Variants in PSG11 observed in about 807,000 individuals in gnomAD.
The protein encoded by PSG11 is pregnancy specific beta-1-glycoprotein 11.
A neutral mutation model predicts 36.0 loss-of-function variants in PSG11; 42 were observed. That is an observed-to-expected ratio of 1.17 (90% CI 0.91 to 1.51). The LOEUF (loss-of-function observed/expected upper bound fraction) is 1.51. Among genes scored for constraint, PSG11 ranks in the 40% most tolerant of loss-of-function variants. The pLI is 0.00. For synonymous variants in PSG11, 206 were observed against 153.5 expected (o/e 1.34, Z -2.53); for missense variants, 558 against 403.5 (o/e 1.38, Z -3.28).
At chr19:43,016,310 G>A (rs1328883554) in intron 3 of PSG11, among the ~76,000 whole-genome samples, 2 of 151,328 alleles carry the variant, frequency 1.3e-5, no homozygotes, top group Non-Finnish European at 2.9e-5. Flanking sequence ...ACGTCAGTGG[G>A]AGTCACAGCC....
At chr19:43,014,113 G>A (rs1448729946) in intron 4 of PSG11, 1 of 155,398 alleles carries the variant, frequency 6.4e-6, no homozygotes, top group East Asian at 1.9e-4. Flanking sequence ...GTGTTAGGGG[G>A]AGAAGGAGTG....
Position 43,020,533 on chromosome 19 carries a change from A to G in PSG11, c.431-1485T>C, listed in dbSNP as rs560246943. Among the ~76,000 whole-genome samples the G allele has an allele frequency of 4.6e-5, 7 of 151,602 alleles. No homozygotes were observed. In the South Asian group the frequency reaches 1.3e-3, roughly 27 times the overall value. ...TTGGAGGAAACATTAAAATGTTTTC[A>G]TAAGTGGAAATTTTTACTGATGGTC... is the stretch of plus-strand genomic sequence containing the variant. On this transcript the variant is annotated intron_variant, in intron 2 of 5. Transcript: ENST00000320078.
chr19:43,007,784 T>C lies in PSG11; in HGVS notation c.*299A>G. On this transcript the variant is annotated 3_prime_UTR_variant, in exon 6 of 6. Coordinates refer to ENST00000320078, the MANE Select transcript of PSG11 (RefSeq NM_002785.3). ...GTTTACAAAAGTATACTTTACCAAT[T>C]GCTGAAGAAAAAAATTCATAAATCT... 1 of 271,268 alleles carries C rather than the reference T, an allele frequency of 3.7e-6. No individual in the cohort carries two copies. The allele number at this position is 271,268 out of a possible 1,614,324, so 16.8% of individuals were successfully genotyped here.
intron 1 of PSG11, chr19:43,025,323 T>C (rs1382331961): frequency 5.3e-6 from 3 of 567,784 alleles, no homozygotes; most frequent in East Asian, 7.9e-5. Flanking sequence ...TTTTTCTGTT[T>C]GGAATCCTCT....
intron 4 of PSG11, among the ~76,000 whole-genome samples, chr19:43,010,890 C>CATAT (rs10566441): frequency 0.012 from 1,731 of 140,390 alleles, 59 homozygotes; most frequent in African/African-American, 0.037. Context: ...CCTCTTTTTC[C>CATAT]ATATATATAT....
chr19:43,010,045 T>A lies in PSG11; in HGVS notation c.965-4A>T, dbSNP rs901379248. 9 of 1,608,708 alleles carry A rather than the reference T, an allele frequency of 5.6e-6. No individual in the cohort carries two copies. The highest frequency in any genetic ancestry group is 6.8e-6 in the Non-Finnish European group (8 of 1,176,344). On this transcript the variant is annotated splice_polypyrimidine_tract_variant and splice_region_variant and intron_variant, in intron 4 of 5. Transcript: ENST00000320078. ...AAAGTTCCTAATCCTGGAGGAGCTG[T>A]CATGGAAAGAAAAGAAAAGAAGGAA...
chr19:43,014,397 C>T (rs1220257465), intron 4 of PSG11: 3 of 942,228 alleles, frequency 3.2e-6, no homozygotes, highest in Admixed American at 6.1e-5. Flanking sequence ...CTGTGTCCCA[C>T]GTGCTGTGCC....
At chr19:43,009,544 T>C (rs572903287) in intron 5 of PSG11, among the ~76,000 whole-genome samples, 2 of 151,436 alleles carry the variant, frequency 1.3e-5, no homozygotes, top group South Asian at 4.2e-4. Flanking sequence ...GTGAATTAAC[T>C]AGATTTTAGA....
In PSG11 at chr19:43,022,921, G is replaced by T. The variant is rs1391380185; in HGVS notation, c.430+1770C>A. On this transcript the variant is annotated intron_variant, in intron 2 of 5. Coordinates refer to ENST00000320078, the MANE Select transcript of PSG11 (RefSeq NM_002785.3). ...TAGTTAGAGGGAGTGTCTGGGGAAGGCCTAGGGGTGGGGGAAGAAGCTGTG... is the reference window on the plus strand; with the variant it reads ...TAGTTAGAGGGAGTGTCTGGGGAAGTCCTAGGGGTGGGGGAAGAAGCTGTG... Among the ~76,000 whole-genome samples the T allele has an allele frequency of 4.0e-5, 6 of 150,738 alleles. 1 individual carries two copies. The East Asian group carries it at 5.9e-4, about 15-fold the overall frequency.
chr19:43,016,053 G>A lies in PSG11; in HGVS notation c.710-683C>T, dbSNP rs200592598. On this transcript the variant is annotated intron_variant, in intron 3 of 5. Coordinates refer to ENST00000320078, the MANE Select transcript of PSG11 (RefSeq NM_002785.3). ...AGGGCATGGGCAGCTTTGCTGTGTG[G>A]ATAACAGAGAGAAGATTGTCCTGTG... 3.6e-4 allele frequency: 573 copies of A among 1,603,742 alleles called. 11 individuals are homozygous for A. Among genetic ancestry groups the A allele is most frequent in the South Asian group, 1.2e-3 (111 of 89,638 alleles).
At position 43,016,173 on chromosome 19, in the gene PSG11, C is replaced by T. The variant is rs532252286; in HGVS notation, c.710-803G>A. 44 of 1,388,190 alleles carry T rather than the reference C, an allele frequency of 3.2e-5. 1 individual carries two copies. The highest frequency in any genetic ancestry group is 7.1e-5 in the South Asian group (5 of 70,494). The allele number at this position is 1,388,190 out of a possible 1,614,324, so 86.0% of individuals were successfully genotyped here. On this transcript the variant is annotated intron_variant, in intron 3 of 5. Coordinates refer to ENST00000320078, the MANE Select transcript of PSG11 (RefSeq NM_002785.3). ...AGTCCTTGAAAGCCAATAGCTGGTG[C>T]GTGTGTCACAAGACAGATGCATGAT...
At position 43,015,011 on chromosome 19, in the gene PSG11, C is replaced by T; in HGVS notation, c.964+105G>A. On this transcript the variant is annotated intron_variant, in intron 4 of 5. Coordinates refer to ENST00000320078, the MANE Select transcript of PSG11 (RefSeq NM_002785.3). ...AGGAGAATTTGGGATTTGCCTGTGC[C>T]CATGGGACACAGGCTGGGAATAAAA... is the stretch of plus-strand genomic sequence containing the variant. 5.0e-6 allele frequency: 8 copies of T among 1,598,808 alleles called. 1 individual carries two copies. The South Asian group carries it at 7.9e-5, about 16-fold the overall frequency.
intron 2 of PSG11, chr19:43,024,451 C>T (rs896112119): frequency 1.7e-5 from 10 of 593,916 alleles, no homozygotes; most frequent in Non-Finnish European, 2.7e-5. Context: ...CCTGCTGAGT[C>T]CCCCCATCAG....
At chr19:43,021,200 G>A (rs1342999571) in intron 2 of PSG11, among the ~76,000 whole-genome samples, 2 of 151,240 alleles carry the variant, frequency 1.3e-5, no homozygotes, top group Non-Finnish European at 2.9e-5. Flanking sequence ...TAAATATGAA[G>A]TTGAATATGT....
chr19:43,016,717 A>G (rs187446578), intron 3 of PSG11, among the ~76,000 whole-genome samples: 1 of 151,564 alleles, frequency 6.6e-6, no homozygotes, highest in African/African-American at 2.4e-5. Context: ...GGAATGATCT[A>G]GGAAGAGTGA....
chr19:43,008,766 G>A (rs1266485655), intron 5 of PSG11, among the ~76,000 whole-genome samples: 2 of 151,278 alleles, frequency 1.3e-5, no homozygotes, highest in East Asian at 1.9e-4. Context: ...GGCCAAAAAG[G>A]TATAGTCTTA....
Position 43,026,182 on chromosome 19 carries a change from C to G in PSG11, c.64+127G>C, listed in dbSNP as rs149528798. ...GATCTTGAACTCCTGATCTCGTGATCCACCCACCTCAGCCTCCCTAAATGC... is the reference window on the plus strand; with the variant it reads ...GATCTTGAACTCCTGATCTCGTGATGCACCCACCTCAGCCTCCCTAAATGC... On this transcript the variant is annotated intron_variant, in intron 1 of 5. Coordinates refer to ENST00000320078, the MANE Select transcript of PSG11 (RefSeq NM_002785.3). 5 of 1,417,626 alleles carry G rather than the reference C, an allele frequency of 3.5e-6. No homozygotes were observed. The East Asian group carries it at 7.4e-5, about 21-fold the overall frequency. 87.8% of individuals were successfully genotyped at this position (1,417,626 alleles called of 1,614,324 possible).
chr19:43,018,692 A>G (rs2122811549), intron 3 of PSG11, 78 bp downstream of exon 3: 2 of 1,609,818 alleles, frequency 1.2e-6, no homozygotes, highest in Non-Finnish European at 8.5e-7. Context: ...TGGACCTGAG[A>G]GGGACTGAGA....
At chr19:43,020,415 A>T (rs1967074996) in intron 2 of PSG11, among the ~76,000 whole-genome samples, 1 of 151,190 alleles carries the variant, frequency 6.6e-6, no homozygotes, top group African/African-American at 2.4e-5. Context: ...TGGATTTGGG[A>T]TGCTCCATAT....
Sources: allele counts gnomAD v4.1 joint callset (sites outside exome capture counted in the v4.1 genomes callset), GRCh38; gene constraint gnomAD v4.1.1; transcripts MANE v1.5; gene names NCBI Gene and HGNC (gene_info 2026-07-23, HGNC 2026-07-21).